The following TRIM72 variants were observed in gnomAD, a reference collection of about 807,000 sequenced individuals.
TRIM72 encodes tripartite motif-containing protein 72.
TRIM72 carries 33 observed loss-of-function variants against 31.6 expected under a neutral mutation model. The ratio of observed to expected loss-of-function variants is 1.04; its 90% CI spans 0.79 to 1.40. TRIM72 has a LOEUF of 1.40. Among genes scored for constraint, TRIM72 ranks in the 40% most tolerant of loss-of-function variants. The pLI is 0.00. For missense variants in TRIM72, 666 were observed against 682.7 expected (o/e 0.98, Z 0.27); for synonymous variants, 301 against 314.4 (o/e 0.96, Z 0.45).
intron 4 of TRIM72, 35 bp from the exon 5 acceptor site, chr16:31,220,861 G>T: frequency 6.2e-7 from 1 of 1,613,912 alleles, no homozygotes; most frequent in African/African-American, 1.3e-5. Flanking sequence ...CCCCACCATC[G>T]GCTTCACCAC....
At chr16:31,224,067 A>G in intron 6 of TRIM72, 114 bp from the exon 7 acceptor site, 2 of 1,247,966 alleles carry the variant, frequency 1.6e-6, no homozygotes, top group South Asian at 1.5e-5. Flanking sequence ...GCCCAAGCCC[A>G]GTGAGCAGAG....
rs2144203065 is a variant in TRIM72 at position 31,227,158 on chromosome 16, T to C, written c.*2403T>C. On this transcript the variant is annotated 3_prime_UTR_variant, in exon 7 of 7. Coordinates refer to ENST00000322122, the MANE Select transcript of TRIM72 (RefSeq NM_001008274.4). ...CACCATTAATAAAACTGTTATATTC[T>C]GACTCCTTCCTCATTAAATCCACAT... 6.6e-6 allele frequency: 1 copy of C among 152,376 alleles called. No individual in the cohort carries two copies. Among genetic ancestry groups the C allele is most frequent in the Non-Finnish European group, 1.5e-5 (1 of 68,034 alleles). The allele number at this position is 152,376 out of a possible 1,614,324, so 9.4% of individuals were successfully genotyped here.
Position 31,228,728 on chromosome 16 carries a change from C to G in TRIM72, c.*3973C>G, listed in dbSNP as rs1018497038. On this transcript the variant is annotated 3_prime_UTR_variant, in exon 7 of 7. Coordinates refer to ENST00000322122, the MANE Select transcript of TRIM72 (RefSeq NM_001008274.4). The stretch of plus-strand genomic sequence containing the variant: ...CTAGGATTACAGGCACCCACCACCA[C>G]GCCAGGTTAGTTTTTTCATTTTTAT... 1 of 152,078 alleles carries G rather than the reference C, an allele frequency of 6.6e-6. No individual in the cohort carries two copies. Among genetic ancestry groups the G allele is most frequent in the African/African-American group, 2.4e-5 (1 of 41,378 alleles). The allele number at this position is 152,078 out of a possible 1,614,324, so 9.4% of individuals were successfully genotyped here.
At chr16:31,223,388 C>A (rs981176658) in intron 6 of TRIM72, among the ~76,000 whole-genome samples, 1 of 152,200 alleles carries the variant, frequency 6.6e-6, no homozygotes, top group Admixed American at 6.5e-5. Flanking sequence ...GTTCCTCCCC[C>A]CAAGAGCTGG....
chr16:31,214,698 C>G (rs1328710248), intron 1 of TRIM72, 34 bp from the exon 2 acceptor site: 1 of 1,498,004 alleles, frequency 6.7e-7, no homozygotes, highest in Non-Finnish European at 8.8e-7. Flanking sequence ...CGCGGCGCCG[C>G]GGGGTCCCCC....
intron 4 of TRIM72, among the ~76,000 whole-genome samples, chr16:31,220,690 C>T (rs756767340): frequency 1.1e-4 from 17 of 151,620 alleles, no homozygotes; most frequent in Non-Finnish European, 2.1e-4. Flanking sequence ...AGGCTGGTCT[C>T]GAACTCCTGG....
chr16:31,220,804 A>C (rs2079530102), intron 4 of TRIM72, 92 bp from the exon 5 acceptor site: 4 of 1,504,228 alleles, frequency 2.7e-6, no homozygotes, highest in East Asian at 2.3e-5. Context: ...CTGACGTTGC[A>C]CTCAGCATTC....
chr16:31,221,283 G>A (rs565796341), intron 5 of TRIM72, among the ~76,000 whole-genome samples: 52 of 152,142 alleles, frequency 3.4e-4, no homozygotes, highest in Non-Finnish European at 2.8e-4. Flanking sequence ...GAGGAGAAAG[G>A]CATTGCGGGG....
chr16:31,222,862 C>A lies in TRIM72; in HGVS notation c.776C>A (p.Ala259Asp), dbSNP rs1485483447. 3.2e-6 allele frequency: 5 copies of A among 1,548,018 alleles called. No homozygotes were observed. In the South Asian group the frequency reaches 4.9e-5, roughly 15 times the overall value. The change falls in exon 6 of 7, where the codon GCC (alanine) becomes GAC (aspartate). Residue 259 changes from alanine to aspartate, a missense_variant. Physicochemically the swap from Ala to Asp is moderately radical, Grantham distance 126. Coordinates refer to ENST00000322122, the MANE Select transcript of TRIM72 (RefSeq NM_001008274.4). ...QKILAESPPP[A>D]RLDIQLPIIS... The stretch of plus-strand genomic sequence containing the variant: ...ATCCTGGCAGAGTCTCCCCCACCCG[C>A]CCGTCTGGACATCCAGCTGCCAATT...
In TRIM72 at chr16:31,224,882, TC is replaced by T; in HGVS notation, c.*130del. 1 of 991,102 alleles carries T rather than the reference TC, an allele frequency of 1.0e-6. No individual in the cohort carries two copies. The highest frequency in any genetic ancestry group is 1.4e-6 in the Non-Finnish European group (1 of 713,966). The allele number at this position is 991,102 out of a possible 1,614,324, so 61.4% of individuals were successfully genotyped here. The stretch of plus-strand genomic sequence containing the variant: ...CCAGGGGGCTGGGAACTGGGGGATC[TC>T]CCAGAATACTGACAAGCGTGGGGTA... On this transcript the variant is annotated 3_prime_UTR_variant, in exon 7 of 7. Transcript: ENST00000322122.
At chr16:31,222,613 C>T (rs898620272) in intron 5 of TRIM72, among the ~76,000 whole-genome samples, 1 of 151,176 alleles carries the variant, frequency 6.6e-6, no homozygotes, top group Non-Finnish European at 1.5e-5. Flanking sequence ...TCATTTTAAG[C>T]ATTTTTAAGT....
Position 31,216,778 on chromosome 16 carries a change from C to A in TRIM72, c.390+1650C>A, listed in dbSNP as rs1053894172. 1.2e-6 allele frequency: 2 copies of A among 1,604,088 alleles called. No individual in the cohort carries two copies. The highest frequency in any genetic ancestry group is 1.7e-6 in the Non-Finnish European group (2 of 1,172,780). On this transcript the variant is annotated intron_variant, in intron 2 of 6. Transcript: ENST00000322122. The surrounding 1 kb of genome is among the most constrained non-coding windows in gnomAD (Gnocchi z 6.7). ...TGGCCCTCACGCAGCCCGCTGCAGC[C>A]GTGCGGCCTCCTCCAACATGCGCAT...
At position 31,224,789 on chromosome 16, in the gene TRIM72, C is replaced by T. The variant is rs2079549593; in HGVS notation, c.*34C>T. 2.1e-6 allele frequency: 3 copies of T among 1,425,352 alleles called. No individual in the cohort carries two copies. Among genetic ancestry groups the T allele is most frequent in the Non-Finnish European group, 2.7e-6 (3 of 1,094,424 alleles). 88.3% of individuals were successfully genotyped at this position (1,425,352 alleles called of 1,614,324 possible). A position where few individuals can be genotyped will look rare whatever the true frequency, so the allele number is the denominator to read the frequency against. ...ACGGGTAGTGGAGGGGCGCGGGGGCCTGGGTTGAAGCTTAGGTCTCCTTGG... is the reference window on the plus strand; with the variant it reads ...ACGGGTAGTGGAGGGGCGCGGGGGCTTGGGTTGAAGCTTAGGTCTCCTTGG... On this transcript the variant is annotated 3_prime_UTR_variant, in exon 7 of 7. Coordinates refer to ENST00000322122, the MANE Select transcript of TRIM72 (RefSeq NM_001008274.4).
Position 31,219,183 on chromosome 16 carries a change from A to G in TRIM72, c.479A>G (p.Glu160Gly). 6.2e-7 allele frequency: 1 copy of G among 1,612,720 alleles called. No homozygotes were observed. Among genetic ancestry groups the G allele is most frequent in the Non-Finnish European group, 8.5e-7 (1 of 1,179,498 alleles). Residue 160 changes from glutamate to glycine, a missense_variant, in exon 3 of 7, where the codon GAG becomes GGG. Coordinates refer to ENST00000322122, the MANE Select transcript of TRIM72 (RefSeq NM_001008274.4). This position sits in a 1 kb window ranked among gnomAD's most constrained non-coding sequence, Gnocchi z 4.2. ...GCTGTGCTGGAGCATCAGCTGGTGG[A>G]GGTGGAGGTGAGGACTTCACAGGGC... ...SVAVLEHQLVEVEETVRQFRG... is the reference protein window; with the variant it reads ...SVAVLEHQLVGVEETVRQFRG...
intron 4 of TRIM72, among the ~76,000 whole-genome samples, chr16:31,220,456 GTTTTTTT>G (rs71151452): frequency 3.0e-4 from 9 of 29,560 alleles, no homozygotes; most frequent in East Asian, 1.1e-3. Flanking sequence ...TCTCTTTTGC[GTTTTTTT>G]TTTTTTTTTT....
chr16:31,221,849 G>A (rs532601024), intron 5 of TRIM72, among the ~76,000 whole-genome samples: 2 of 150,782 alleles, frequency 1.3e-5, no homozygotes, highest in South Asian at 4.2e-4. Context: ...AGAGAGAAGG[G>A]CATTGTGGGG....
Position 31,224,417 on chromosome 16 carries a change from GC to G in TRIM72, c.1102del (p.Arg368AlafsTer50). 4.2e-6 allele frequency: 6 copies of G among 1,418,848 alleles called. No homozygotes were observed. Among genetic ancestry groups the G allele is most frequent in the Non-Finnish European group, 9.1e-7 (1 of 1,097,580 alleles). 87.9% of individuals were successfully genotyped at this position (1,418,848 alleles called of 1,614,324 possible). A position where few individuals can be genotyped will look rare whatever the true frequency, so the allele number is the denominator to read the frequency against. The part of the protein sequence containing the change: ...RWALGVIAAE[A>X]PRRGRLHAVP... ...GGCGCTGGGCGTGATCGCGGCCGAG[GC>G]CCCCCGCCGCGGGCGCCTGCACGCG... is the stretch of plus-strand genomic sequence containing the variant. On this transcript the variant is annotated frameshift_variant, in exon 7 of 7. Transcript: ENST00000322122. LOFTEE classifies it low-confidence loss of function (END_TRUNC).
At chr16:31,221,460 G>A (rs552572904) in intron 5 of TRIM72, among the ~76,000 whole-genome samples, 110 of 145,972 alleles carry the variant, frequency 7.5e-4, no homozygotes, top group African/African-American at 2.7e-3. Flanking sequence ...GGGAGAAGAA[G>A]GACATTGCTG....
chr16:31,220,942 C>T (rs771805740), intron 5 of TRIM72, 24 bp downstream of exon 5: 1 of 1,614,174 alleles, frequency 6.2e-7, no homozygotes, highest in Non-Finnish European at 8.5e-7. Flanking sequence ...GGCCCTGTCC[C>T]TTTGCCCGAC....
Sources: gnomAD v4.1 joint callset for allele counts (sites outside exome capture counted in the v4.1 genomes callset) on GRCh38, gnomAD v4.1.1 for gene constraint, Gnocchi (gnomAD v3.1) non-coding constraint, MANE v1.5 for transcripts, NCBI Gene and HGNC (gene_info 2026-07-23, HGNC 2026-07-21) for gene names.